Variants in MTMR10 observed in about 807,000 individuals in gnomAD.
The protein encoded by MTMR10 is myotubularin related protein 10, also known as myotubularin-related protein 10.
In MTMR10, 56 loss-of-function variants were observed where a neutral mutation model predicts 88.1. That is an observed-to-expected ratio of 0.64 (90% confidence interval 0.51 to 0.79). The LOEUF (loss-of-function observed/expected upper bound fraction) is 0.79. Among genes scored for constraint, MTMR10 ranks in the 30% least tolerant of loss-of-function variants. The pLI, the probability that MTMR10 is intolerant of heterozygous loss-of-function variation, is 0.00. For synonymous variants in MTMR10, 380 were observed against 340.9 expected (o/e 1.11, Z -1.26); for missense variants, 883 against 924.7 (o/e 0.95, Z 0.58).
In MTMR10 at chr15:30,946,750, T is replaced by C. The variant is rs200880231; in HGVS notation, c.1548+380A>G. ...TTCAAACTCGTGAAGGAAAATAATC[T>C]TGTTTTGTACAACTTTTTATCCTAC... On this transcript the variant is annotated intron_variant, in intron 14 of 15. Transcript: ENST00000435680. 397 of 703,056 alleles carry C rather than the reference T, an allele frequency of 5.6e-4. 2 individuals are homozygous for C. In the African/African-American group the frequency reaches 6.0e-3, roughly 11 times the overall value. The allele number at this position is 703,056 out of a possible 1,614,324, so 43.6% of individuals were successfully genotyped here. A position where few individuals can be genotyped will look rare whatever the true frequency, so the allele number is the denominator to read the frequency against.
chr15:30,927,981 G>A, the MTMR10 span: 3 of 985,730 alleles, frequency 3.0e-6, no homozygotes, highest in African/African-American at 3.5e-5. Flanking sequence ...AAGGCCAGAT[G>A]TCTCTGTAAA....
chr15:30,973,218 G>T (rs944495056), intron 5 of MTMR10, among the ~76,000 whole-genome samples: 4 of 152,066 alleles, frequency 2.6e-5, no homozygotes, highest in African/African-American at 9.7e-5. Flanking sequence ...TTATCTAGTT[G>T]AATTTTCAAT....
At chr15:30,970,973 T>C (rs1307138819) in intron 5 of MTMR10, among the ~76,000 whole-genome samples, 3 of 152,158 alleles carry the variant, frequency 2.0e-5, no homozygotes, top group Admixed American at 6.6e-5. Context: ...CTTATGTTCA[T>C]ATGACCTAAG....
At chr15:30,984,906 A>G (rs564277124) in intron 2 of MTMR10, among the ~76,000 whole-genome samples, 1 of 152,286 alleles carries the variant, frequency 6.6e-6, no homozygotes, top group Non-Finnish European at 1.5e-5. Flanking sequence ...AATCTGGCTT[A>G]GGTGACCTTC....
intron 5 of MTMR10, among the ~76,000 whole-genome samples, chr15:30,970,542 G>C (rs1285232518): frequency 6.6e-6 from 1 of 152,078 alleles, no homozygotes; most frequent in Non-Finnish European, 1.5e-5. Context: ...AATATTCACT[G>C]ACAAAAGTAG....
the MTMR10 span, among the ~76,000 whole-genome samples, chr15:30,923,119 T>A: frequency 6.6e-6 from 1 of 152,128 alleles, no homozygotes; most frequent in Non-Finnish European, 1.5e-5. Context: ...ATCAGGGTGA[T>A]GTAGGGGTGG....
chr15:30,942,841 TGTTTG>T, intron 15 of MTMR10, 44 bp downstream of exon 15: 2 of 1,482,300 alleles, frequency 1.3e-6, no homozygotes, highest in Non-Finnish European at 1.8e-6. Flanking sequence ...GAAAAAGAGG[TGTTTG>T]GTTACGTGTG....
intron 14 of MTMR10, chr15:30,944,027 A>C (rs2063129141): frequency 2.0e-6 from 2 of 983,948 alleles, no homozygotes; most frequent in South Asian, 9.4e-5. Context: ...CTACCAAAAA[A>C]AAACCCCCAA....
At position 30,939,540 on chromosome 15, in the gene MTMR10, AG is replaced by A. The variant is rs1406392151; in HGVS notation, c.*1929del. 1.0e-6 allele frequency: 1 copy of A among 972,414 alleles called. No individual in the cohort carries two copies. The highest frequency in any genetic ancestry group is 6.2e-5 in the Admixed American group (1 of 16,242). 60.2% of individuals were successfully genotyped at this position (972,414 alleles called of 1,614,324 possible). A position where few individuals can be genotyped will look rare whatever the true frequency, so the allele number is the denominator to read the frequency against. On this transcript the variant is annotated 3_prime_UTR_variant, in exon 16 of 16. Coordinates refer to ENST00000435680, the MANE Select transcript of MTMR10 (RefSeq NM_017762.3). ...ATAACAACTGTCCAGCAAAAATAAA[AG>A]TATTTTACATTTGATTATCATACAA...
At chr15:30,974,150 A>C (rs1160806046) in intron 5 of MTMR10, among the ~76,000 whole-genome samples, 164 bp downstream of exon 5, 1 of 152,130 alleles carries the variant, frequency 6.6e-6, no homozygotes, top group Non-Finnish European at 1.5e-5. Flanking sequence ...CAATCCAAGA[A>C]AATAGTTCTA....
Position 30,951,518 on chromosome 15 carries a change from T to A in MTMR10, c.1207+450A>T, listed in dbSNP as rs1031825360. ...TGTGCCACTGGTTTTTATTTATTTT[T>A]TTTTTGAGTCTTGCTGTGTTGCCCA... On this transcript the variant is annotated intron_variant, in intron 12 of 15. Transcript: ENST00000435680. 2.2e-4 allele frequency among the ~76,000 whole-genome samples: 34 copies of A among 152,246 alleles called. No homozygotes were observed. In the East Asian group the frequency reaches 3.7e-3, roughly 16 times the overall value.
At chr15:30,937,420 C>G (rs1198620919), downstream of MTMR10, among the ~76,000 whole-genome samples, 1 of 150,184 alleles carries the variant, frequency 6.7e-6, no homozygotes, top group Non-Finnish European at 1.5e-5. Flanking sequence ...TGAATACACT[C>G]ATTGATTCCA....
At chr15:30,948,203 A>T in intron 13 of MTMR10, 99 bp downstream of exon 13, 1 of 1,127,612 alleles carries the variant, frequency 8.9e-7, no homozygotes, top group Non-Finnish European at 1.2e-6. Context: ...AAGTTGTACT[A>T]AATACAGTAT....
chr15:30,977,659 T>A (rs1440610446), intron 2 of MTMR10, among the ~76,000 whole-genome samples: 5 of 152,238 alleles, frequency 3.3e-5, no homozygotes, highest in Non-Finnish European at 7.3e-5. Context: ...TTTTAAGCCA[T>A]CTGTCTCCAG....
chr15:30,965,612 T>C (rs959554780), intron 6 of MTMR10, among the ~76,000 whole-genome samples: 20 of 152,220 alleles, frequency 1.3e-4, no homozygotes, highest in African/African-American at 4.3e-4. Flanking sequence ...TTGTTCTTGT[T>C]TGTGCTAGTA....
the MTMR10 span, chr15:30,928,709 TCA>T: frequency 6.2e-7 from 1 of 1,610,838 alleles, no homozygotes; most frequent in Non-Finnish European, 8.5e-7. Flanking sequence ...CATCCGTGGC[TCA>T]CGCCCACCTG....
intron 1 of MTMR10, 105 bp downstream of exon 1, chr15:30,991,342 G>C (rs2031312943): frequency 2.6e-6 from 3 of 1,161,498 alleles, no homozygotes; most frequent in African/African-American, 1.6e-5. Context: ...TGTGGGCAGG[G>C]AGACGCGCGC....
intron 15 of MTMR10, 36 bp from the exon 16 acceptor site, chr15:30,942,108 C>CCCTTTTTAGAAAGATTG: frequency 6.4e-7 from 1 of 1,570,734 alleles, no homozygotes; most frequent in South Asian, 1.2e-5. Context: ...TCCGGGGATT[C>CCCTTTTTAGAAAGATTG]CCTTTTTAGA....
At chr15:30,984,157 C>G (rs1433307072) in intron 2 of MTMR10, among the ~76,000 whole-genome samples, 2 of 152,122 alleles carry the variant, frequency 1.3e-5, no homozygotes, top group Non-Finnish European at 1.5e-5. Flanking sequence ...TAGCAAATTA[C>G]AAGGTTAAAG....
Sources: allele counts gnomAD v4.1 joint callset (sites outside exome capture counted in the v4.1 genomes callset), GRCh38; gene constraint gnomAD v4.1.1; transcripts MANE v1.5; gene names NCBI Gene and HGNC (gene_info 2026-07-23, HGNC 2026-07-21).